Variants in QTGAL observed in about 807,000 individuals in gnomAD.
QTGAL encodes BGnT-like protein 1.
the QTGAL span, among the ~76,000 whole-genome samples, chr17:83,039,860 T>C: frequency 6.6e-6 from 1 of 152,194 alleles, no homozygotes; most frequent in Non-Finnish European, 1.5e-5. Flanking sequence ...CAGGAGCTGC[T>C]CCTGTCCACT....
At chr17:83,029,100 G>A in the QTGAL span, among the ~76,000 whole-genome samples, 169 of 152,312 alleles carry the variant, frequency 1.1e-3, no homozygotes, top group African/African-American at 3.8e-3. Context: ...AGGCCGTTCC[G>A]AGGGACAGAA....
At chr17:83,035,647 A>T in the QTGAL span, among the ~76,000 whole-genome samples, 2 of 152,032 alleles carry the variant, frequency 1.3e-5, no homozygotes, top group East Asian at 3.9e-4. Context: ...AAAGTCTGAC[A>T]CTCACTGAAG....
the QTGAL span, chr17:82,956,819 C>T: frequency 1.4e-4 from 218 of 1,544,898 alleles, no homozygotes; most frequent in African/African-American, 1.5e-3. The surrounding 1 kb of genome is among the most constrained non-coding windows in gnomAD (Gnocchi z 5.7). Flanking sequence ...AGCTTGTCCC[C>T]GGAGAGACGC....
the QTGAL span, among the ~76,000 whole-genome samples, chr17:82,980,229 A>C: frequency 1.3e-5 from 2 of 152,252 alleles, no homozygotes; most frequent in Middle Eastern, 3.2e-3. Context: ...CTTCATCAAA[A>C]TTAGAAACTT....
At chr17:83,023,582 C>T in the QTGAL span, among the ~76,000 whole-genome samples, 312 of 152,366 alleles carry the variant, frequency 2.0e-3, 1 homozygote, top group African/African-American at 7.3e-3. Context: ...AGTTACTGAC[C>T]AGTGTACCAT....
At chr17:83,016,857 G>A in the QTGAL span, among the ~76,000 whole-genome samples, 1 of 151,992 alleles carries the variant, frequency 6.6e-6, no homozygotes, top group South Asian at 2.1e-4. Flanking sequence ...AGCTGAGGAG[G>A]CTCAAAGGAA....
chr17:82,972,641 G>GCCCACCACACCA, the QTGAL span, among the ~76,000 whole-genome samples: 2 of 117,944 alleles, frequency 1.7e-5, no homozygotes, highest in Non-Finnish European at 3.2e-5. Context: ...AGGACCTGGT[G>GCCCACCACACCA]CCCACCACAC....
At chr17:83,018,122 A>G in the QTGAL span, among the ~76,000 whole-genome samples, 73 of 151,990 alleles carry the variant, frequency 4.8e-4, no homozygotes, top group African/African-American at 1.5e-3. Flanking sequence ...GTGCTCCACA[A>G]ACACGGTGCA....
chr17:83,032,455 AC>A, the QTGAL span, among the ~76,000 whole-genome samples: 8 of 91,196 alleles, frequency 8.8e-5, no homozygotes, highest in African/African-American at 3.0e-4. Flanking sequence ...GAGCTGAACA[AC>A]CAGGTCAGAC....
chr17:83,049,177 C>T, the QTGAL span: 2 of 189,132 alleles, frequency 1.1e-5, no homozygotes, highest in Non-Finnish European at 2.2e-5. Context: ...GGCGTGAACC[C>T]GGGAGGCGGA....
At chr17:83,028,594 C>T in the QTGAL span, among the ~76,000 whole-genome samples, 26 of 151,544 alleles carry the variant, frequency 1.7e-4, 1 homozygote, top group South Asian at 5.2e-3. Flanking sequence ...TGTCAAACCA[C>T]AGTGAGACAC....
the QTGAL span, among the ~76,000 whole-genome samples, chr17:83,030,130 G>A: frequency 1.3e-5 from 2 of 152,126 alleles, no homozygotes; most frequent in African/African-American, 4.8e-5. Context: ...GGGCTCCTGA[G>A]ATCCTAAGAT....
the QTGAL span, among the ~76,000 whole-genome samples, chr17:83,048,089 C>T: frequency 1.3e-5 from 2 of 152,006 alleles, no homozygotes; most frequent in Non-Finnish European, 2.9e-5. Context: ...TGCAGTGGCA[C>T]GATCTCGGTT....
At chr17:83,002,341 GT>G in the QTGAL span, among the ~76,000 whole-genome samples, 1 of 152,316 alleles carries the variant, frequency 6.6e-6, no homozygotes, top group African/African-American at 2.4e-5. Flanking sequence ...GACTGCTGCA[GT>G]TCAGAACCAG....
the QTGAL span, among the ~76,000 whole-genome samples, chr17:83,014,085 G>A: frequency 2.6e-5 from 4 of 152,184 alleles, no homozygotes; most frequent in African/African-American, 7.2e-5. Context: ...CTGAGAAGCC[G>A]TTCTAAAGAT....
At chr17:82,965,279 C>CG in the QTGAL span, among the ~76,000 whole-genome samples, 61 of 152,000 alleles carry the variant, frequency 4.0e-4, no homozygotes, top group Admixed American at 7.2e-4. Flanking sequence ...AGGTGCACCC[C>CG]CGGGGGGAGG....
At chr17:82,964,434 A>G in the QTGAL span, among the ~76,000 whole-genome samples, 6 of 152,218 alleles carry the variant, frequency 3.9e-5, no homozygotes, top group Non-Finnish European at 8.8e-5. Context: ...TCTAACCAAC[A>G]TAGAATTGGA....
chr17:83,016,092 A>C, the QTGAL span, among the ~76,000 whole-genome samples: 1 of 152,178 alleles, frequency 6.6e-6, no homozygotes, highest in Non-Finnish European at 1.5e-5. Context: ...TAGCTACACA[A>C]ATATTTGCTT....
the QTGAL span, among the ~76,000 whole-genome samples, chr17:83,021,686 G>T: frequency 6.6e-6 from 1 of 151,978 alleles, no homozygotes; most frequent in Non-Finnish European, 1.5e-5. Flanking sequence ...AAGAAAAAAC[G>T]AAAAAAACCA....
Sources: allele counts gnomAD v4.1 joint callset (sites outside exome capture counted in the v4.1 genomes callset), GRCh38; gene constraint gnomAD v4.1.1; non-coding constraint Gnocchi (gnomAD v3.1); transcripts MANE v1.5; gene names NCBI Gene and HGNC (gene_info 2026-07-23, HGNC 2026-07-21).